TEX9: variants seen among roughly 807,000 people sequenced by gnomAD.
TEX9 encodes the protein testis expressed 9.
In TEX9, 74 loss-of-function variants were observed where a neutral mutation model predicts 59.6. The ratio of observed to expected loss-of-function variants is 1.24; its 90% CI spans 1.03 to 1.51. The LOEUF is 1.51. Among genes scored for constraint, TEX9 ranks in the 40% most tolerant of loss-of-function variants. TEX9 has a pLI of 0.00. For synonymous variants in TEX9, 186 were observed against 152.2 expected, an observed-to-expected ratio of 1.22 and a Z score of -1.64; for missense variants, 522 against 447.8, an observed-to-expected ratio of 1.17 and a Z score of -1.49.
chr15:56,427,693 G>T, exon 11 of TEX9: 1 of 1,518,678 alleles, frequency 6.6e-7, no homozygotes, highest in Admixed American at 2.2e-5. Context: ...TTAATGATAG[G>T]GTTCAAGAAA....
chr15:56,402,533 T>C (rs1475647925), intron 9 of TEX9, among the ~76,000 whole-genome samples: 4 of 152,120 alleles, frequency 2.6e-5, no homozygotes, highest in African/African-American at 9.7e-5. Flanking sequence ...ACCAGATGGA[T>C]TCACAGGCGA....
intron 3 of TEX9, among the ~76,000 whole-genome samples, chr15:56,379,932 A>G (rs2047650224): frequency 6.6e-6 from 1 of 151,572 alleles, no homozygotes; most frequent in Admixed American, 6.6e-5. Context: ...TTATTAAGTA[A>G]AGTATGTTTC....
intron 7 of TEX9, among the ~76,000 whole-genome samples, chr15:56,393,314 G>A (rs1407069161): frequency 1.3e-5 from 2 of 152,122 alleles, no homozygotes; most frequent in African/African-American, 2.4e-5. Flanking sequence ...TAGGGTTAGA[G>A]CCAACCATAA....
intron 12 of TEX9, among the ~76,000 whole-genome samples, chr15:56,438,667 T>C (rs2050769087): frequency 6.6e-6 from 1 of 152,034 alleles, no homozygotes; most frequent in Admixed American, 6.5e-5. Flanking sequence ...ACTAAAGAGC[T>C]TCCGCACAGC....
At chr15:56,408,833 A>G (rs1596204018) in intron 9 of TEX9, 1 of 152,260 alleles carries the variant, frequency 6.6e-6, no homozygotes, top group African/African-American at 2.4e-5. Flanking sequence ...CCAAGCCACT[A>G]TCTTTTATTT....
intron 1 of TEX9, among the ~76,000 whole-genome samples, chr15:56,247,519 A>G (rs993302708): frequency 6.6e-6 from 1 of 152,196 alleles, no homozygotes; most frequent in Non-Finnish European, 1.5e-5. Context: ...TAACATGAGC[A>G]CTGGTGTGAA....
At chr15:56,454,652 C>T in the TEX9 span, among the ~76,000 whole-genome samples, 2 of 152,082 alleles carry the variant, frequency 1.3e-5, no homozygotes, top group Non-Finnish European at 2.9e-5. Context: ...TCATTACTTG[C>T]AATGTTCTGA....
At chr15:56,250,527 C>A (rs1373651220) in intron 1 of TEX9, among the ~76,000 whole-genome samples, 1 of 152,140 alleles carries the variant, frequency 6.6e-6, no homozygotes, top group Non-Finnish European at 1.5e-5. Context: ...GTACCAAATT[C>A]CGAGTGTATT....
chr15:56,336,096 T>C (rs916189037), intron 1 of TEX9, among the ~76,000 whole-genome samples: 6 of 152,222 alleles, frequency 3.9e-5, no homozygotes, highest in Admixed American at 1.3e-4. Context: ...TGAAATACTT[T>C]CATTTCTTCT....
intron 12 of TEX9, among the ~76,000 whole-genome samples, chr15:56,436,185 A>C (rs2050721297): frequency 6.6e-6 from 1 of 152,134 alleles, no homozygotes; most frequent in Non-Finnish European, 1.5e-5. Flanking sequence ...ACTTATTCCA[A>C]AGTTGACCAC....
intron 10 of TEX9, among the ~76,000 whole-genome samples, chr15:56,413,251 T>C: frequency 2.1e-5 from 1 of 48,256 alleles, no homozygotes; most frequent in African/African-American, 6.5e-5. Context: ...AATAATTTAA[T>C]TTATTTAATT....
intron 9 of TEX9, among the ~76,000 whole-genome samples, chr15:56,400,899 GAAAT>G (rs1194158312): frequency 6.6e-6 from 1 of 152,022 alleles, no homozygotes; most frequent in Non-Finnish European, 1.5e-5. Flanking sequence ...AAGTGAATGA[GAAAT>G]AAAATCCTTT....
At chr15:56,261,170 A>G (rs1044589968) in intron 1 of TEX9, among the ~76,000 whole-genome samples, 2 of 151,978 alleles carry the variant, frequency 1.3e-5, no homozygotes, top group Admixed American at 6.6e-5. Flanking sequence ...TTTTTTTAAA[A>G]AAAGCTTTGG....
intron 1 of TEX9, among the ~76,000 whole-genome samples, chr15:56,301,384 A>G (rs1334711393): frequency 6.6e-6 from 1 of 152,146 alleles, no homozygotes; most frequent in Non-Finnish European, 1.5e-5. Context: ...ACTTTGAAGA[A>G]TAACAGAAAA....
downstream of TEX9, among the ~76,000 whole-genome samples, chr15:56,446,199 A>G (rs186322972): frequency 6.6e-6 from 1 of 152,184 alleles, no homozygotes; most frequent in East Asian, 1.9e-4. Context: ...GTATGTGTAT[A>G]TAAACATTCA....
the TEX9 span, among the ~76,000 whole-genome samples, chr15:56,459,761 A>G: frequency 1.3e-5 from 2 of 151,406 alleles, no homozygotes; most frequent in Non-Finnish European, 2.9e-5. Context: ...GAGGCCGAAG[A>G]GGACAGATCA....
intron 1 of TEX9, among the ~76,000 whole-genome samples, chr15:56,342,275 A>G (rs1195327759): frequency 6.6e-6 from 1 of 152,150 alleles, no homozygotes; most frequent in African/African-American, 2.4e-5. Context: ...AGGAAATGTT[A>G]TTATCCCTAT....
At chr15:56,256,032 C>G (rs2044138113) in intron 1 of TEX9, among the ~76,000 whole-genome samples, 1 of 151,672 alleles carries the variant, frequency 6.6e-6, no homozygotes, top group African/African-American at 2.4e-5. Flanking sequence ...AATTAATAAG[C>G]AAATTGTTTA....
intron 2 of TEX9, among the ~76,000 whole-genome samples, chr15:56,371,780 G>T (rs1350386959): frequency 6.6e-6 from 1 of 152,132 alleles, no homozygotes; most frequent in Non-Finnish European, 1.5e-5. Context: ...GTATCACCTA[G>T]ATAAGATGAA....
Sources: gnomAD v4.1 joint callset for allele counts (sites outside exome capture counted in the v4.1 genomes callset) on GRCh38, gnomAD v4.1.1 for gene constraint, MANE v1.5 for transcripts, NCBI Gene and HGNC (gene_info 2026-07-23, HGNC 2026-07-21) for gene names.